Variants in KIFAP3 observed in about 807,000 individuals in gnomAD.
KIFAP3 encodes kinesin associated protein 3.
Under a neutral mutation model 106.5 loss-of-function variants are expected in KIFAP3, and 68 were observed. That is an observed-to-expected ratio of 0.64 (90% CI 0.53 to 0.78). KIFAP3 has a LOEUF of 0.78. KIFAP3 is among the 30% of genes least tolerant of loss of function. The pLI is 0.00. For missense variants in KIFAP3, 780 were observed against 941.8 expected (o/e 0.83, Z 2.25); for synonymous variants, 320 against 311.5 (o/e 1.03, Z -0.29).
rs561061110 is a variant in KIFAP3 at position 169,955,685 on chromosome 1, A to G, written c.2174-1575T>C. On this transcript the variant is annotated intron_variant, in intron 18 of 19. Coordinates refer to ENST00000361580, the MANE Select transcript of KIFAP3 (RefSeq NM_014970.4). ...TATCCATGTTACACATCATATATTA[A>G]TGACATATTATTATTTAATTGTCAA... is the stretch of plus-strand genomic sequence containing the variant. 5.3e-5 allele frequency among the ~76,000 whole-genome samples: 8 copies of G among 152,258 alleles called. No homozygotes were observed. The East Asian group carries it at 7.7e-4, about 15-fold the overall frequency.
chr1:170,020,633 AGAGATGGGGTTTCACT>A, intron 9 of KIFAP3, among the ~76,000 whole-genome samples: 1 of 152,056 alleles, frequency 6.6e-6, no homozygotes, highest in Admixed American at 6.6e-5. Flanking sequence ...ATTTTTTAGT[AGAGATGGGGTTTCACT>A]GTATTAGTCA....
chr1:170,045,910 A>G (rs1035996900), intron 3 of KIFAP3, among the ~76,000 whole-genome samples: 1 of 152,190 alleles, frequency 6.6e-6, no homozygotes, highest in East Asian at 1.9e-4. Context: ...CATTAGAATC[A>G]TAAGGATTTT....
intron 2 of KIFAP3, among the ~76,000 whole-genome samples, chr1:170,053,080 A>G (rs1239265993): frequency 6.6e-6 from 1 of 152,232 alleles, no homozygotes; most frequent in East Asian, 1.9e-4. Flanking sequence ...ACATGATTGT[A>G]TATTTAGAAA....
At chr1:169,986,311 T>C (rs1247202731) in intron 11 of KIFAP3, among the ~76,000 whole-genome samples, 1 of 151,806 alleles carries the variant, frequency 6.6e-6, no homozygotes, top group East Asian at 1.9e-4. Flanking sequence ...TTGGTTAAAT[T>C]AAATTAAATA....
At chr1:169,969,448 T>C (rs538118916) in intron 17 of KIFAP3, among the ~76,000 whole-genome samples, 1 of 152,184 alleles carries the variant, frequency 6.6e-6, no homozygotes, top group Non-Finnish European at 1.5e-5. Flanking sequence ...TCTTTCCTTT[T>C]AATAAACCAG....
At chr1:169,942,684 T>A (rs983108745) in intron 19 of KIFAP3, among the ~76,000 whole-genome samples, 16 of 152,256 alleles carry the variant, frequency 1.1e-4, no homozygotes, top group African/African-American at 3.6e-4. Context: ...TAACCCAAGA[T>A]GTGACAGTAC....
intron 17 of KIFAP3, among the ~76,000 whole-genome samples, chr1:169,963,036 TAC>T (rs1289590776): frequency 2.0e-5 from 3 of 152,172 alleles, no homozygotes; most frequent in Non-Finnish European, 4.4e-5. Flanking sequence ...GGGTTTGGTG[TAC>T]AGATTGTCAC....
intron 17 of KIFAP3, among the ~76,000 whole-genome samples, chr1:169,961,906 G>A (rs2101865535): frequency 6.6e-6 from 1 of 152,244 alleles, no homozygotes; most frequent in African/African-American, 2.4e-5. Flanking sequence ...TAGGCTATTA[G>A]TTTATGTTTT....
intron 5 of KIFAP3, among the ~76,000 whole-genome samples, chr1:170,035,965 GA>G (rs1669671719): frequency 6.6e-6 from 1 of 151,308 alleles, no homozygotes; most frequent in Admixed American, 6.6e-5. Flanking sequence ...AATAAGTCTA[GA>G]AAAAAATGAG....
At chr1:170,046,583 C>T (rs931293627) in intron 3 of KIFAP3, 129 bp downstream of exon 3, 3 of 643,472 alleles carry the variant, frequency 4.7e-6, no homozygotes, top group African/African-American at 1.9e-5. Flanking sequence ...TCATTCATAA[C>T]ACTGGTGAAA....
intron 8 of KIFAP3, among the ~76,000 whole-genome samples, chr1:170,026,385 T>A (rs540826013): frequency 4.6e-5 from 7 of 152,228 alleles, no homozygotes; most frequent in Non-Finnish European, 8.8e-5. Context: ...AACAAAGATT[T>A]TCACAATAGT....
At chr1:169,985,473 G>A (rs1411631197) in intron 11 of KIFAP3, among the ~76,000 whole-genome samples, 1 of 151,834 alleles carries the variant, frequency 6.6e-6, no homozygotes, top group Non-Finnish European at 1.5e-5. Flanking sequence ...CTGGATTTAT[G>A]CACTGAGAAA....
At chr1:169,973,362 CA>C (rs1358248231) in intron 16 of KIFAP3, among the ~76,000 whole-genome samples, 2 of 148,054 alleles carry the variant, frequency 1.4e-5, no homozygotes, top group South Asian at 4.3e-4. Context: ...AGATCCAACA[CA>C]ATAGAAATCC....
At chr1:169,928,784 G>A (rs1467165655) in intron 19 of KIFAP3, among the ~76,000 whole-genome samples, 2 of 150,318 alleles carry the variant, frequency 1.3e-5, no homozygotes, top group Non-Finnish European at 3.0e-5. Context: ...AAAACTGGCT[G>A]GAAATTTTAA....
intron 8 of KIFAP3, among the ~76,000 whole-genome samples, chr1:170,027,014 CTTTTTTTTTTTT>C (rs71125222): frequency 6.2e-5 from 4 of 64,388 alleles, no homozygotes; most frequent in African/African-American, 1.2e-4. Context: ...TGTCTTGCTT[CTTTTTTTTTTTT>C]TTTTTTTTTT....
At chr1:169,938,148 T>A (rs905415242) in intron 19 of KIFAP3, among the ~76,000 whole-genome samples, 1 of 151,912 alleles carries the variant, frequency 6.6e-6, no homozygotes, top group African/African-American at 2.4e-5. Context: ...TAAAATAAAA[T>A]TTTTCTATGA....
chr1:169,971,838 A>G (rs1398916528), intron 17 of KIFAP3, among the ~76,000 whole-genome samples: 1 of 151,998 alleles, frequency 6.6e-6, no homozygotes, highest in East Asian at 1.9e-4. Context: ...GTAGCAGTAT[A>G]TGCCATATAT....
chr1:170,027,991 C>T (rs974852099), intron 8 of KIFAP3, among the ~76,000 whole-genome samples: 5 of 152,036 alleles, frequency 3.3e-5, no homozygotes, highest in Non-Finnish European at 1.5e-5. Context: ...AACAAGGCAA[C>T]AGTGGAGCAA....
chr1:170,029,621 A>G (rs1358682221), intron 8 of KIFAP3, among the ~76,000 whole-genome samples: 1 of 151,976 alleles, frequency 6.6e-6, no homozygotes, highest in Non-Finnish European at 1.5e-5. Context: ...ACAAAAAATA[A>G]GAGTATATTA....
Sources: allele counts gnomAD v4.1 joint callset (sites outside exome capture counted in the v4.1 genomes callset), GRCh38; gene constraint gnomAD v4.1.1; transcripts MANE v1.5; gene names NCBI Gene and HGNC (gene_info 2026-07-23, HGNC 2026-07-21).